CFAP54: variants seen among roughly 807,000 people sequenced by gnomAD.
CFAP54 encodes the protein cilia and flagella associated protein 54.
CFAP54 carries 290 observed loss-of-function variants against 370.4 expected under a neutral mutation model. The observed-to-expected ratio is 0.78, with a 90% CI of 0.71 to 0.86. CFAP54 has a LOEUF of 0.86. Ranked by LOEUF, CFAP54 falls within the 40% of genes least tolerant of loss-of-function variation. The pLI, the probability that CFAP54 is intolerant of heterozygous loss-of-function variation, is 0.00. For synonymous variants in CFAP54, 1,206 were observed against 1,236.5 expected (o/e 0.98, Z 0.52); for missense variants, 3,399 against 3,528.7 (o/e 0.96, Z 0.93).
chr12:96,787,666 C>T (rs1053105120), intron 62 of CFAP54, among the ~76,000 whole-genome samples: 3 of 152,138 alleles, frequency 2.0e-5, no homozygotes, highest in Non-Finnish European at 4.4e-5. Flanking sequence ...GCCAGAGACA[C>T]TGTTAGTTGG....
chr12:96,722,375 GA>G (rs201481182), intron 50 of CFAP54, among the ~76,000 whole-genome samples: 2,299 of 152,270 alleles, frequency 0.015, 74 homozygotes, highest in African/African-American at 0.053. Flanking sequence ...TTAAATGAGA[GA>G]ATTATCCATG....
At position 96,522,337 on chromosome 12, in the gene CFAP54, C is replaced by G. The variant is rs1955329938; in HGVS notation, c.1158+148C>G. On this transcript the variant is annotated intron_variant, in intron 8 of 67. Transcript: ENST00000524981. ...GGTAAATAGAGAGAAGAATGTTTTT[C>G]TAGTTTGCACGTAGCCTCGCTTCAT... 11 of 559,332 alleles carry G rather than the reference C, an allele frequency of 2.0e-5. No individual in the cohort carries two copies. The East Asian group carries it at 3.2e-4, about 17-fold the overall frequency. 34.6% of individuals were successfully genotyped at this position (559,332 alleles called of 1,614,324 possible).
At position 96,756,610 on chromosome 12, in the gene CFAP54, C is replaced by A. The variant is rs543903085; in HGVS notation, c.7946+47C>A. 9.1e-6 allele frequency: 12 copies of A among 1,324,122 alleles called. No individual in the cohort carries two copies. The East Asian group carries it at 2.6e-4, about 28-fold the overall frequency. 82.0% of individuals were successfully genotyped at this position (1,324,122 alleles called of 1,614,324 possible). On this transcript the variant is annotated intron_variant, in intron 57 of 67. Transcript: ENST00000524981. ...GTAGCTGTGTGTGTTTGGCTTGAGC[C>A]CCGTGTTCTTGTAGTACATTGACCA... is the stretch of plus-strand genomic sequence containing the variant.
Position 96,874,620 on chromosome 12 carries a change from TATTTTTATTTTA to T in CFAP54, c.*15-497_*15-486del, listed in dbSNP as rs1344180387. 4.8e-3 allele frequency among the ~76,000 whole-genome samples: 336 copies of T among 70,094 alleles called. 111 individuals are homozygous for T. The highest frequency in any genetic ancestry group is 0.018 in the African/African-American group (235 of 13,402). The allele number at this position is 70,094 out of a possible 152,430, so 46.0% of individuals were successfully genotyped here. A position where few individuals can be genotyped will look rare whatever the true frequency, so the allele number is the denominator to read the frequency against. On this transcript the variant is annotated intron_variant, in intron 67 of 67. Coordinates refer to ENST00000524981, the MANE Select transcript of CFAP54 (RefSeq NM_001306084.2). ...CTGTTTTGGGATCTCTGCTTTTTTT[TATTTTTATTTTA>T]TTTTTTTTTTTTTTTGAGACGGAGT...
chr12:96,737,809 T>C (rs1592734243), intron 50 of CFAP54, among the ~76,000 whole-genome samples: 1 of 151,176 alleles, frequency 6.6e-6, no homozygotes, highest in South Asian at 2.1e-4. Flanking sequence ...TAGACCTGTA[T>C]AGAAATGTAA....
In CFAP54 at chr12:96,704,146, G is replaced by A. The variant is rs148744649; in HGVS notation, c.6475-597G>A. The stretch of plus-strand genomic sequence containing the variant: ...TATTTTTAAAAATTTAAAATACATC[G>A]GCCAGGTGCAGTGGCTCACGCCTAT... On this transcript the variant is annotated intron_variant, in intron 46 of 67. Transcript: ENST00000524981. Among the ~76,000 whole-genome samples the A allele has an allele frequency of 2.7e-4, 41 of 152,056 alleles. No individual in the cohort carries two copies. The East Asian group carries it at 6.4e-3, about 24-fold the overall frequency.
chr12:96,621,875 G>GTTTTTTTTTTTTTTTTTTTTTTTT (rs71068819), intron 27 of CFAP54, among the ~76,000 whole-genome samples, 154 bp downstream of exon 27: 2 of 50,034 alleles, frequency 4.0e-5, no homozygotes, highest in Admixed American at 3.5e-4. Flanking sequence ...TTTTGGGTTT[G>GTTTTTTTTTTTTTTTTTTTTTTTT]TTTTTTTTTT....
At chr12:96,531,272 G>A (rs1955438193) in intron 9 of CFAP54, among the ~76,000 whole-genome samples, 1 of 151,928 alleles carries the variant, frequency 6.6e-6, no homozygotes, top group Admixed American at 6.6e-5. Flanking sequence ...TTATAATCTT[G>A]TATATATAGT....
chr12:96,683,999 C>T (rs1380270806), intron 40 of CFAP54, among the ~76,000 whole-genome samples: 1 of 152,108 alleles, frequency 6.6e-6, no homozygotes. Flanking sequence ...ACCATGTTGA[C>T]CAGGCTGGTC....
In CFAP54 at chr12:96,829,194, T is replaced by G. The variant is rs549796940; in HGVS notation, c.9171+106T>G. ...ATTGTAAGTATCAAGGGCCTAACCC[T>G]CCTTATTAATGTGAAAAAGTGATAA... On this transcript the variant is annotated intron_variant, in intron 66 of 67. Coordinates refer to ENST00000524981, the MANE Select transcript of CFAP54 (RefSeq NM_001306084.2). 12 of 533,476 alleles carry G rather than the reference T, an allele frequency of 2.2e-5. No homozygotes were observed. The Admixed American group carries it at 3.5e-4, about 16-fold the overall frequency. The allele number at this position is 533,476 out of a possible 1,614,324, so 33.0% of individuals were successfully genotyped here.
At chr12:96,715,986 C>T (rs1957673388) in intron 48 of CFAP54, among the ~76,000 whole-genome samples, 1 of 152,070 alleles carries the variant, frequency 6.6e-6, no homozygotes, top group African/African-American at 2.4e-5. Flanking sequence ...CTTTGAAAAA[C>T]TTTCAGTTTC....
At chr12:96,653,715 AAATC>A (rs1387876479) in intron 36 of CFAP54, among the ~76,000 whole-genome samples, 64 of 152,114 alleles carry the variant, frequency 4.2e-4, no homozygotes, top group African/African-American at 1.5e-3. Context: ...AGAGCAAATT[AAATC>A]TAAACTAAAG....
intron 46 of CFAP54, among the ~76,000 whole-genome samples, chr12:96,704,495 TA>T (rs1957527097): frequency 1.8e-5 from 2 of 108,806 alleles, no homozygotes; most frequent in Non-Finnish European, 3.8e-5. Context: ...TATATATATA[TA>T]TATATTTAAA....
intron 32 of CFAP54, among the ~76,000 whole-genome samples, chr12:96,639,958 C>G (rs183382777): frequency 6.6e-6 from 1 of 152,148 alleles, no homozygotes; most frequent in Admixed American, 6.5e-5. Flanking sequence ...TATGACAAAC[C>G]CACAGCCAAT....
intron 65 of CFAP54, among the ~76,000 whole-genome samples, chr12:96,823,962 C>G (rs1010610378): frequency 6.6e-6 from 1 of 152,062 alleles, no homozygotes; most frequent in African/African-American, 2.4e-5. Flanking sequence ...TTTCTCCCCC[C>G]ACCCACATTA....
intron 67 of CFAP54, among the ~76,000 whole-genome samples, chr12:96,861,857 G>T (rs148521355): frequency 2.2e-4 from 33 of 152,216 alleles, no homozygotes; most frequent in Middle Eastern, 3.4e-3. Flanking sequence ...GACTCATTTT[G>T]TCTAGTGTCT....
chr12:96,661,261 C>T (rs1241699826), intron 38 of CFAP54, among the ~76,000 whole-genome samples: 1 of 152,100 alleles, frequency 6.6e-6, no homozygotes, highest in Non-Finnish European at 1.5e-5. Flanking sequence ...TGCCAGCCGT[C>T]AATCAACTTA....
chr12:96,812,285 G>T (rs968254695), intron 64 of CFAP54, among the ~76,000 whole-genome samples: 1 of 152,038 alleles, frequency 6.6e-6, no homozygotes, highest in South Asian at 2.1e-4. Flanking sequence ...TCAAAATTAA[G>T]CCCAAACTCC....
At position 96,672,166 on chromosome 12, in the gene CFAP54, C is replaced by T. The variant is rs149609044; in HGVS notation, c.5564-7434C>T. Among the ~76,000 whole-genome samples the T allele has an allele frequency of 4.7e-3, 713 of 151,658 alleles. 4 individuals carry two copies. The highest frequency in any genetic ancestry group is 0.016 in the African/African-American group (676 of 41,310). On this transcript the variant is annotated intron_variant, in intron 39 of 67. Coordinates refer to ENST00000524981, the MANE Select transcript of CFAP54 (RefSeq NM_001306084.2). ...ATATTTACATATTAACTAGAAAAAG[C>T]CAGTAAAGAGGGAGAGCTTATAGAT... is the stretch of plus-strand genomic sequence containing the variant.
Sources: gnomAD v4.1 joint callset for allele counts (sites outside exome capture counted in the v4.1 genomes callset) on GRCh38, gnomAD v4.1.1 for gene constraint, MANE v1.5 for transcripts, NCBI Gene and HGNC (gene_info 2026-07-23, HGNC 2026-07-21) for gene names.